The following MTNAP1 variants were observed in gnomAD, a reference collection of about 807,000 sequenced individuals.
The protein encoded by MTNAP1 is mitochondrial nucleoid associated protein 1.
the MTNAP1 span, among the ~76,000 whole-genome samples, chr17:73,244,216 A>G: frequency 3.3e-5 from 5 of 152,220 alleles, no homozygotes; most frequent in African/African-American, 1.2e-4. Context: ...TATCAAAAAT[A>G]TCAGCATTTT....
the MTNAP1 span, chr17:73,247,419 C>G: frequency 1.4e-6 from 2 of 1,403,672 alleles, no homozygotes; most frequent in Non-Finnish European, 1.0e-6. Flanking sequence ...CTGAATTGCC[C>G]TGTAACACCT....
At chr17:73,235,630 C>T in the MTNAP1 span, 3 of 1,614,050 alleles carry the variant, frequency 1.9e-6, no homozygotes, top group Non-Finnish European at 1.7e-6. Context: ...AGCTACACTC[C>T]CACGTGCTAA....
the MTNAP1 span, chr17:73,236,368 C>G: frequency 1.2e-6 from 2 of 1,613,974 alleles, no homozygotes; most frequent in South Asian, 2.2e-5. Flanking sequence ...CATGGAGAAA[C>G]AAGAGAAAGG....
chr17:73,239,517 CAT>C, the MTNAP1 span, among the ~76,000 whole-genome samples: 1 of 73,986 alleles, frequency 1.4e-5, no homozygotes. Context: ...GAGCTTCAGA[CAT>C]CTTTTTTTTT....
chr17:73,236,987 T>A, the MTNAP1 span: 2 of 1,561,184 alleles, frequency 1.3e-6, no homozygotes, highest in Admixed American at 3.9e-5. Context: ...GGGGAAAGAC[T>A]CTCACAAGGT....
the MTNAP1 span, chr17:73,236,155 A>T: frequency 1.2e-6 from 2 of 1,614,152 alleles, no homozygotes; most frequent in Non-Finnish European, 1.7e-6. Flanking sequence ...AGATGTGCCT[A>T]CTGGTGATTG....
At chr17:73,243,002 GAGTA>G in the MTNAP1 span, 2 of 1,610,436 alleles carry the variant, frequency 1.2e-6, no homozygotes, top group Non-Finnish European at 1.7e-6. Context: ...TCAGACGTCT[GAGTA>G]AGTCTTTCTA....
At chr17:73,242,829 A>C in the MTNAP1 span, 2 of 1,294,432 alleles carry the variant, frequency 1.5e-6, no homozygotes, top group South Asian at 1.3e-5. Context: ...GGAAAACTTG[A>C]ATGACTCGCG....
At chr17:73,239,531 T>TTTC in the MTNAP1 span, among the ~76,000 whole-genome samples, 4 of 150,694 alleles carry the variant, frequency 2.7e-5, no homozygotes, top group Non-Finnish European at 4.4e-5. Context: ...TTTTTTTTTT[T>TTTC]TTCTTGAGAC....
chr17:73,235,983 A>G, the MTNAP1 span: 1 of 1,614,246 alleles, frequency 6.2e-7, no homozygotes, highest in Non-Finnish European at 8.5e-7. Context: ...GTAATCCTTC[A>G]GAAGCTGGAG....
chr17:73,247,157 A>G, the MTNAP1 span: 2 of 1,243,492 alleles, frequency 1.6e-6, no homozygotes, highest in Non-Finnish European at 2.3e-6. Context: ...TGGCTGTTTC[A>G]CACAACAACA....
the MTNAP1 span, among the ~76,000 whole-genome samples, chr17:73,233,788 G>A: frequency 6.6e-6 from 1 of 151,900 alleles, no homozygotes; most frequent in Non-Finnish European, 1.5e-5. Flanking sequence ...CAGGAGAACC[G>A]TTTGAACCTG....
At chr17:73,236,434 T>C in the MTNAP1 span, 11 of 1,613,986 alleles carry the variant, frequency 6.8e-6, no homozygotes, top group Middle Eastern at 1.6e-4. Flanking sequence ...GAAAAGTATG[T>C]CTGCAACAGA....
the MTNAP1 span, chr17:73,245,172 G>T: frequency 6.2e-7 from 1 of 1,613,580 alleles, no homozygotes; most frequent in East Asian, 2.2e-5. Flanking sequence ...CCAAAGAGCT[G>T]CAGCGGTGGC....
chr17:73,241,928 AAAAC>A, the MTNAP1 span, among the ~76,000 whole-genome samples: 4 of 152,176 alleles, frequency 2.6e-5, no homozygotes. Context: ...GACTGTGTCA[AAAAC>A]AAAAAGATGA....
the MTNAP1 span, chr17:73,245,494 A>G: frequency 9.2e-7 from 1 of 1,090,186 alleles, no homozygotes; most frequent in African/African-American, 1.6e-5. Context: ...TGAAGATGAC[A>G]AAGTTCATCA....
chr17:73,237,244 CT>C, the MTNAP1 span, among the ~76,000 whole-genome samples: 3 of 152,234 alleles, frequency 2.0e-5, no homozygotes, highest in African/African-American at 7.2e-5. Context: ...TAAGACCAGC[CT>C]GGGCAACATG....
the MTNAP1 span, among the ~76,000 whole-genome samples, chr17:73,246,521 A>G: frequency 3.3e-5 from 5 of 152,186 alleles, no homozygotes; most frequent in Admixed American, 2.0e-4. Flanking sequence ...GGGTGATGGA[A>G]GTGAAACCTT....
At chr17:73,241,279 T>C in the MTNAP1 span, among the ~76,000 whole-genome samples, 1 of 152,142 alleles carries the variant, frequency 6.6e-6, no homozygotes, top group Non-Finnish European at 1.5e-5. Flanking sequence ...TGCCTCAGTC[T>C]CCCGTGTAGC....
Sources: gnomAD v4.1 joint callset for allele counts (sites outside exome capture counted in the v4.1 genomes callset) on GRCh38, gnomAD v4.1.1 for gene constraint, MANE v1.5 for transcripts, NCBI Gene and HGNC (gene_info 2026-07-23, HGNC 2026-07-21) for gene names.